The following SPATA31A1 variants were observed in gnomAD, a reference collection of about 807,000 sequenced individuals.
SPATA31A1 encodes the protein spermatogenesis-associated protein 31A1.
For missense variants in SPATA31A1, 579 were observed against 1,476.3 expected (o/e 0.39, Z 9.96); for synonymous variants, 194 against 573.4 (o/e 0.34, Z 9.45).
rs1304464423 is a variant in SPATA31A1, at chr9:39,361,584, C to G, written c.3819C>G (p.Leu1273=). The G allele has an allele frequency of 1.2e-6, 2 of 1,613,500 alleles. No individual in the cohort carries two copies. Among genetic ancestry groups the G allele is most frequent in the Non-Finnish European group, 1.7e-6 (2 of 1,179,860 alleles). ...SYAASSQQAT[L]KSQGCPNRDR... ...CAGCCAGCAGTCAACAAGCCACTCT[C>G]AAGAGCCAGGGTTGTCCCAACAGAG... The change falls in exon 4 of 4, where the codon CTC becomes CTG. Residue 1273 remains leucine, a synonymous_variant. Transcript: ENST00000377647.
In SPATA31A1 at chr9:39,357,995, G is replaced by T. The variant is rs910268965; in HGVS notation, c.309-79G>T. 5 of 1,586,184 alleles carry T rather than the reference G, an allele frequency of 3.2e-6. 1 individual carries two copies. In the East Asian group the frequency reaches 1.1e-4, roughly 36 times the overall value. On this transcript the variant is annotated intron_variant, in intron 3 of 3. Transcript: ENST00000377647. ...GCAATCAGGGTGTGGGGTGGTGGAG[G>T]GGCTGTGGCCCGAGCACCCACTCTG...
rs1823318854 is a variant in SPATA31A1, at chr9:39,355,818, C to T, written c.88C>T (p.Leu30Phe). 2.7e-6 allele frequency: 1 copy of T among 375,668 alleles called. No homozygotes were observed. The highest frequency in any genetic ancestry group is 4.1e-6 in the Non-Finnish European group (1 of 246,382). The allele number at this position is 375,668 out of a possible 1,614,324, so 23.3% of individuals were successfully genotyped here. The change falls in exon 1 of 4, where the codon CTC (leucine) becomes TTC (phenylalanine). Residue 30 changes from leucine (L) to phenylalanine (F), a missense_variant. Coordinates refer to ENST00000377647, the MANE Select transcript of SPATA31A1 (RefSeq NM_001085452.4). ...SSTPWVLDIF[L>F]TLVFALGFFF... ...CACACCATGGGTGTTGGATATCTTC[C>T]TCACTTTGGTGTTTGCCCTGGGGTT...
At position 39,361,894 on chromosome 9, in the gene SPATA31A1, T is replaced by A; in HGVS notation, c.*85T>A. ...AAATTCACTCTATGTAGAGAAAAAA[T>A]ATTTTCTCTCATGTTAGTACATGCA... On this transcript the variant is annotated 3_prime_UTR_variant, in exon 4 of 4. Transcript: ENST00000377647. 1 of 1,579,526 alleles carries A rather than the reference T, an allele frequency of 6.3e-7. No individual in the cohort carries two copies. The highest frequency in any genetic ancestry group is 1.2e-5 in the South Asian group (1 of 86,018).
Position 39,358,591 on chromosome 9 carries a change from C to A in SPATA31A1, c.826C>A (p.His276Asn), listed in dbSNP as rs1210170286. ...CTCAGGCCTTGGTGGCTCAAACAGT[C>A]ATGTTTCTGCCTCCTCCCGGTGGCA... ...AISGLGGSNS[H>N]VSASSRWQET... Residue 276 changes from histidine (H) to asparagine (N), a missense_variant, in exon 4 of 4, where the codon CAT becomes AAT. His to Asn is a moderately conservative substitution (Grantham distance 68). Transcript: ENST00000377647. 5.0e-6 allele frequency: 8 copies of A among 1,595,830 alleles called. No individual in the cohort carries two copies. Among genetic ancestry groups the A allele is most frequent in the Non-Finnish European group, 6.8e-6 (8 of 1,178,472 alleles).
In SPATA31A1 at chr9:39,359,149, A is replaced by C. The variant is rs1823399272; in HGVS notation, c.1384A>C (p.Met462Leu). ...CTGCCCAATTCAAAGGGAGACTACA[A>C]TGTCCCCACTGCTTTTCCAGGCCCA... ...NVCPIQRETT[M>L]SPLLFQAQPP... Residue 462 changes from methionine (M) to leucine (L), a missense_variant, in exon 4 of 4, where the codon ATG (methionine) becomes CTG (leucine). Physicochemically the swap from Met to Leu is conservative, Grantham distance 15. Coordinates refer to ENST00000377647, the MANE Select transcript of SPATA31A1 (RefSeq NM_001085452.4). The C allele has an allele frequency of 6.2e-7, 1 of 1,611,422 alleles. No homozygotes were observed. Among genetic ancestry groups the C allele is most frequent in the African/African-American group, 1.3e-5 (1 of 74,558 alleles).
Position 39,358,818 on chromosome 9 carries a change from A to C in SPATA31A1, c.1053A>C (p.Thr351=). ...AAAAAGAAAATGTTGGATCATTTAC[A>C]GATCGAATGACCCCAGAAAAGCACT... ...WEEKENVGSF[T]DRMTPEKHLN... is the part of the protein sequence containing the mutation. The change falls in exon 4 of 4, where the codon ACA becomes ACC. Residue 351 remains threonine, a synonymous_variant. Coordinates refer to ENST00000377647, the MANE Select transcript of SPATA31A1 (RefSeq NM_001085452.4). 1 of 1,597,224 alleles carries C rather than the reference A, an allele frequency of 6.3e-7. No homozygotes were observed. The highest frequency in any genetic ancestry group is 8.5e-7 in the Non-Finnish European group (1 of 1,179,760).
Position 39,355,899 on chromosome 9 carries a change from C to T in SPATA31A1, c.169C>T (p.Pro57Ser), listed in dbSNP as rs1226533339. ...CTTCCGTTGTGATGACCCACCCTCA[C>T]CATCGCCTGGGAAGAGAAAGGTAAG... ...SYFRCDDPPS[P>S]SPGKRKCPVG... is the part of the protein sequence containing the mutation. The change falls in exon 1 of 4, where the codon CCA becomes TCA. Residue 57 changes from proline to serine, a missense_variant. Coordinates refer to ENST00000377647, the MANE Select transcript of SPATA31A1 (RefSeq NM_001085452.4). 1 of 269,576 alleles carries T rather than the reference C, an allele frequency of 3.7e-6. No individual in the cohort carries two copies. Among genetic ancestry groups the T allele is most frequent in the South Asian group, 3.2e-5 (1 of 31,436 alleles). 16.7% of individuals were successfully genotyped at this position (269,576 alleles called of 1,614,324 possible).
chr9:39,356,482 CTGTGTGTGTG>C (rs201386587), intron 1 of SPATA31A1, among the ~76,000 whole-genome samples: 109 of 124,022 alleles, frequency 8.8e-4, no homozygotes, highest in African/African-American at 3.2e-3. Context: ...GAAAATCCCT[CTGTGTGTGTG>C]TGTGTGTGTG....
At position 39,361,069 on chromosome 9, in the gene SPATA31A1, C is replaced by A. The variant is rs2118436644; in HGVS notation, c.3304C>A (p.Pro1102Thr). The A allele has an allele frequency of 6.2e-7, 1 of 1,611,034 alleles. No homozygotes were observed. The highest frequency in any genetic ancestry group is 2.2e-5 in the East Asian group (1 of 44,866). ...NCQGSCKNQR[P>T]MFPPIHKSEK... is the part of the protein sequence containing the mutation. ...TCAAGGCTCATGCAAGAACCAAAGG[C>A]CAATGTTTCCCCCTATTCACAAGAG... Residue 1102 changes from proline to threonine, a missense_variant, in exon 4 of 4, where the codon CCA (proline) becomes ACA (threonine). Coordinates refer to ENST00000377647, the MANE Select transcript of SPATA31A1 (RefSeq NM_001085452.4).
Position 39,360,759 on chromosome 9 carries a change from A to G in SPATA31A1, c.2994A>G (p.Gln998=), listed in dbSNP as rs1823445659. The G allele has an allele frequency of 6.2e-7, 1 of 1,611,464 alleles. No individual in the cohort carries two copies. Among genetic ancestry groups the G allele is most frequent in the Admixed American group, 1.7e-5 (1 of 59,906 alleles). The change falls in exon 4 of 4, where the codon CAA becomes CAG. Residue 998 remains glutamine (Q), a synonymous_variant. Coordinates refer to ENST00000377647, the MANE Select transcript of SPATA31A1 (RefSeq NM_001085452.4). ...SSLHPRVSVS[Q]DPRKLCLMEE... ...TACACCCTAGAGTGTCTGTCTCCCA[A>G]GATCCAAGAAAGCTGTGTCTTATGG...
chr9:39,361,244 T>C lies in SPATA31A1; in HGVS notation c.3479T>C (p.Val1160Ala). Residue 1160 changes from valine to alanine, a missense_variant, in exon 4 of 4, where the codon GTA (valine) becomes GCA (alanine). Physicochemically the swap from Val to Ala is moderately conservative, Grantham distance 64. Coordinates refer to ENST00000377647, the MANE Select transcript of SPATA31A1 (RefSeq NM_001085452.4). ...CCATCAAAGAAACAGCCTCCTTCAG[T>C]AAGCCACTTTGGAGGAAACATCAAG... The part of the protein sequence containing the change: ...LLPSKKQPPS[V>A]SHFGGNIKQF... 4 of 1,611,698 alleles carry C rather than the reference T, an allele frequency of 2.5e-6. No homozygotes were observed. The South Asian group carries it at 4.4e-5, about 18-fold the overall frequency.
In SPATA31A1 at chr9:39,360,728, G is replaced by A; in HGVS notation, c.2963G>A (p.Ser988Asn). 3 of 1,612,326 alleles carry A rather than the reference G, an allele frequency of 1.9e-6. 1 individual carries two copies. Among genetic ancestry groups the A allele is most frequent in the Non-Finnish European group, 2.5e-6 (3 of 1,179,716 alleles). The change falls in exon 4 of 4, where the codon AGC becomes AAC. Residue 988 changes from serine (S) to asparagine (N), a missense_variant. Ser to Asn is a conservative substitution (Grantham distance 46). Coordinates refer to ENST00000377647, the MANE Select transcript of SPATA31A1 (RefSeq NM_001085452.4). ...TTCGAGGCTCCAGGGACCAGCAAAA[G>A]CTCTCTACACCCTAGAGTGTCTGTC... ...HGFEAPGTSK[S>N]SLHPRVSVSQ...
intron 2 of SPATA31A1, 52 bp from the exon 3 acceptor site, chr9:39,357,706 T>C (rs1587772586): frequency 7.5e-7 from 1 of 1,332,858 alleles, no homozygotes; most frequent in Non-Finnish European, 1.1e-6. Context: ...CAGCCTCCTG[T>C]GAGAACCCAG....
rs1351713899 is a variant in SPATA31A1, at chr9:39,355,721, G to T, written c.-10G>T. ...GAGCTCAGTTGCTTGAAAGCAACGCGCCTATTCACATGGAGAATCTTCCCT... is the reference window on the plus strand; with the variant it reads ...GAGCTCAGTTGCTTGAAAGCAACGCTCCTATTCACATGGAGAATCTTCCCT... On this transcript the variant is annotated 5_prime_UTR_variant, in exon 1 of 4. Coordinates refer to ENST00000377647, the MANE Select transcript of SPATA31A1 (RefSeq NM_001085452.4). 5.5e-5 allele frequency: 28 copies of T among 512,354 alleles called. No individual in the cohort carries two copies. The highest frequency in any genetic ancestry group is 8.0e-5 in the Non-Finnish European group (26 of 324,960). The allele number at this position is 512,354 out of a possible 1,614,324, so 31.7% of individuals were successfully genotyped here. A position where few individuals can be genotyped will look rare whatever the true frequency, so the allele number is the denominator to read the frequency against.
rs1174818159 is a variant in SPATA31A1, at chr9:39,357,184, TGA to T, written c.246_247del (p.Arg82SerfsTer3). 6.2e-7 allele frequency: 1 copy of T among 1,605,958 alleles called. No homozygotes were observed. Among genetic ancestry groups the T allele is most frequent in the Non-Finnish European group, 8.5e-7 (1 of 1,177,540 alleles). On this transcript the variant is annotated frameshift_variant, in exon 2 of 4. Transcript: ENST00000377647. LOFTEE classifies it high-confidence loss of function. ...AGAGGCAGGATGAAAAACCACAGTC[TGA>T]GAGGTAAGGCTCTGCCAGAGCACAC...
intron 2 of SPATA31A1, chr9:39,357,548 G>A: frequency 1.6e-6 from 1 of 641,284 alleles, no homozygotes; most frequent in Non-Finnish European, 2.8e-6. Flanking sequence ...CTGTGGGGGT[G>A]GGGGGTCCGT....
At position 39,358,103 on chromosome 9, in the gene SPATA31A1, A is replaced by T; in HGVS notation, c.338A>T (p.Asp113Val). The change falls in exon 4 of 4, where the codon GAC becomes GTC. Residue 113 changes from aspartate (D) to valine (V), a missense_variant. Coordinates refer to ENST00000377647, the MANE Select transcript of SPATA31A1 (RefSeq NM_001085452.4). ...SLLGPHLDKG[D>V]FGQLSGPDPP... Reference sequence around the variant, plus strand: ...CTGGGGCCACACCTTGACAAAGGTGACTTTGGTCAGCTCTCCGGTCCAGAC... The same window carrying T: ...CTGGGGCCACACCTTGACAAAGGTGTCTTTGGTCAGCTCTCCGGTCCAGAC... The T allele has an allele frequency of 6.3e-7, 1 of 1,592,136 alleles. No homozygotes were observed. The highest frequency in any genetic ancestry group is 1.1e-5 in the South Asian group (1 of 89,690).
intron 2 of SPATA31A1, 59 bp from the exon 3 acceptor site, chr9:39,357,699 C>T: frequency 2.0e-6 from 3 of 1,507,880 alleles, no homozygotes; most frequent in Non-Finnish European, 2.7e-6. Context: ...AGCCACTCAG[C>T]CTCCTGTGAG....
chr9:39,361,036 C>T lies in SPATA31A1; in HGVS notation c.3271C>T (p.Pro1091Ser). 6.2e-7 allele frequency: 1 copy of T among 1,611,050 alleles called. No individual in the cohort carries two copies. The highest frequency in any genetic ancestry group is 1.1e-5 in the South Asian group (1 of 90,936). Residue 1091 changes from proline (P) to serine (S), a missense_variant, in exon 4 of 4, where the codon CCA becomes TCA. Pro to Ser is a moderately conservative substitution (Grantham distance 74, BLOSUM62 -1). Coordinates refer to ENST00000377647, the MANE Select transcript of SPATA31A1 (RefSeq NM_001085452.4). ...ACTGGTGCACGAGGAGCCCAGAAAC[C>T]CAAACTGTCAAGGCTCATGCAAGAA... ...SKLVHEEPRN[P>S]NCQGSCKNQR... is the part of the protein sequence containing the mutation.
Sources: allele counts gnomAD v4.1 joint callset (sites outside exome capture counted in the v4.1 genomes callset), GRCh38; gene constraint gnomAD v4.1.1; transcripts MANE v1.5; gene names NCBI Gene and HGNC (gene_info 2026-07-23, HGNC 2026-07-21).